The following RAP1A variants were observed in gnomAD, a reference collection of about 807,000 sequenced individuals.
The protein encoded by RAP1A is RAP1A, member of RAS oncogene family, also known as ras-related protein Rap-1A.
Under a neutral mutation model 26.4 loss-of-function variants are expected in RAP1A, and 6 were observed. The ratio of observed to expected loss-of-function variants is 0.23; its 90% CI spans 0.12 to 0.45. RAP1A has a LOEUF of 0.45. RAP1A is among the 20% of genes least tolerant of loss of function. The pLI is 0.99. For synonymous variants in RAP1A, 73 were observed against 79.4 expected, an observed-to-expected ratio of 0.92 and a Z score of 0.43; for missense variants, 121 against 217.2, an observed-to-expected ratio of 0.56 and a Z score of 2.78.
chr1:111,619,835 C>G lies in RAP1A; in HGVS notation c.-127C>G, dbSNP rs1032203004. ...GCCGCCGCCGCTCCCGCTGCTGTCG[C>G]CGCGCAGAGCCGGAGCAGGAGCCAC... On this transcript the variant is annotated 5_prime_UTR_variant, in exon 1 of 8. Coordinates refer to ENST00000369709, the MANE Select transcript of RAP1A (RefSeq NM_002884.4). 1.0e-4 allele frequency: 40 copies of G among 399,146 alleles called. No individual in the cohort carries two copies. The highest frequency in any genetic ancestry group is 8.8e-6 in the Non-Finnish European group (2 of 226,968). The allele number at this position is 399,146 out of a possible 1,614,324, so 24.7% of individuals were successfully genotyped here. A position where few individuals can be genotyped will look rare whatever the true frequency, so the allele number is the denominator to read the frequency against.
In RAP1A at chr1:111,665,931, G is replaced by A. The variant is rs144960574; in HGVS notation, c.-27-25403G>A. 4.1e-4 allele frequency among the ~76,000 whole-genome samples: 62 copies of A among 152,276 alleles called. 1 individual carries two copies. The East Asian group carries it at 0.01, about 25-fold the overall frequency. Reference sequence around the variant, plus strand: ...CTTTAGAGCTTTAAAATGATTTAAAGTAACAATTTTAGTAACCTTTGGGTT... The same window carrying A: ...CTTTAGAGCTTTAAAATGATTTAAAATAACAATTTTAGTAACCTTTGGGTT... On this transcript the variant is annotated intron_variant, in intron 1 of 7. Transcript: ENST00000369709.
chr1:111,660,423 TG>T (rs1223438135), intron 1 of RAP1A, among the ~76,000 whole-genome samples: 11 of 152,172 alleles, frequency 7.2e-5, no homozygotes, highest in Non-Finnish European at 1.6e-4. Flanking sequence ...CTGAACTTCC[TG>T]GGTCTGTGGT....
intron 1 of RAP1A, among the ~76,000 whole-genome samples, chr1:111,686,855 C>G (rs536080723): frequency 1.3e-5 from 2 of 151,676 alleles, no homozygotes; most frequent in African/African-American, 4.8e-5. Context: ...ATTTTTATAT[C>G]TATATATCTT....
At chr1:111,671,842 G>T (rs116380685) in intron 1 of RAP1A, among the ~76,000 whole-genome samples, 217 of 152,256 alleles carry the variant, frequency 1.4e-3, no homozygotes, top group Non-Finnish European at 2.4e-3. Context: ...TTTCCATCTT[G>T]ATTTCTTTCT....
chr1:111,676,453 A>G (rs1259068470), intron 1 of RAP1A, among the ~76,000 whole-genome samples: 2 of 152,116 alleles, frequency 1.3e-5, no homozygotes, highest in African/African-American at 4.8e-5. Context: ...AAATAATTCA[A>G]GGTGAGATTT....
At chr1:111,584,872 T>C (rs772522652) in intron 1 of RAP1A, among the ~76,000 whole-genome samples, 12 of 152,166 alleles carry the variant, frequency 7.9e-5, no homozygotes, top group Non-Finnish European at 1.5e-4. Context: ...CCTAGGAGGA[T>C]GAGCTTCAAC....
intron 1 of RAP1A, among the ~76,000 whole-genome samples, chr1:111,555,819 A>G (rs1427234965): frequency 6.6e-6 from 1 of 152,160 alleles, no homozygotes; most frequent in East Asian, 1.9e-4. Context: ...TTAGAAGAAA[A>G]CATAAGGGGA....
rs150221802 is a variant in RAP1A, at chr1:111,597,802, C to G, written c.-28+55293C>G. ...AGCAACACTCAACAGGGGAGACATTCTAGGTCTCATGCCGCAGACTTGGAG... is the reference window on the plus strand; with the variant it reads ...AGCAACACTCAACAGGGGAGACATTGTAGGTCTCATGCCGCAGACTTGGAG... On this transcript the variant is annotated intron_variant, in intron 1 of 7. Transcript: ENST00000356415. Among the ~76,000 whole-genome samples, 99 of 152,290 alleles carry G rather than the reference C, an allele frequency of 6.5e-4. 1 individual carries two copies. The highest frequency in any genetic ancestry group is 1.1e-3 in the Admixed American group (17 of 15,306).
intron 1 of RAP1A, among the ~76,000 whole-genome samples, chr1:111,609,118 G>A (rs1416091175): frequency 6.6e-6 from 1 of 152,196 alleles, no homozygotes; most frequent in Non-Finnish European, 1.5e-5. Context: ...CTCAGAGGAT[G>A]AACAGAGGGG....
intron 1 of RAP1A, among the ~76,000 whole-genome samples, chr1:111,601,281 G>A (rs1223636236): frequency 6.6e-6 from 1 of 152,052 alleles, no homozygotes; most frequent in Non-Finnish European, 1.5e-5. Flanking sequence ...CACACCGATT[G>A]TCCTGGGTGT....
intron 1 of RAP1A, among the ~76,000 whole-genome samples, chr1:111,557,536 T>A: frequency 6.7e-6 from 1 of 149,272 alleles, no homozygotes; most frequent in South Asian, 2.1e-4. Context: ...GGCAATAGAG[T>A]GAGACTCCAT....
At chr1:111,564,336 G>A (rs1657861780) in intron 1 of RAP1A, among the ~76,000 whole-genome samples, 2 of 152,048 alleles carry the variant, frequency 1.3e-5, no homozygotes, top group Admixed American at 1.3e-4. Context: ...CACCTGTTAG[G>A]TGCCAGAAAC....
rs1293389880 is a variant in RAP1A, at chr1:111,712,992, AT to A, written c.*594del. 6.6e-6 allele frequency: 1 copy of A among 152,480 alleles called. No individual in the cohort carries two copies. Among genetic ancestry groups the A allele is most frequent in the Non-Finnish European group, 1.5e-5 (1 of 67,942 alleles). 9.4% of individuals were successfully genotyped at this position (152,480 alleles called of 1,614,324 possible). A position where few individuals can be genotyped will look rare whatever the true frequency, so the allele number is the denominator to read the frequency against. ...TATAGGAAAAAAACTGGGATAACTG[AT>A]TTCTATGGCTTTCAAAGCTAAAATA... On this transcript the variant is annotated 3_prime_UTR_variant, in exon 8 of 8. Coordinates refer to ENST00000369709, the MANE Select transcript of RAP1A (RefSeq NM_002884.4).
chr1:111,683,895 C>T (rs895119454), intron 1 of RAP1A, among the ~76,000 whole-genome samples: 7 of 152,128 alleles, frequency 4.6e-5, no homozygotes, highest in African/African-American at 1.2e-4. Context: ...TGATGACCAT[C>T]GATGCAAAAA....
chr1:111,703,024 C>T (rs1407526730), intron 4 of RAP1A, among the ~76,000 whole-genome samples: 3 of 152,146 alleles, frequency 2.0e-5, no homozygotes, highest in Non-Finnish European at 4.4e-5. Context: ...ATTGTTAGCA[C>T]TTGGGCAGTA....
intron 1 of RAP1A, among the ~76,000 whole-genome samples, chr1:111,660,805 A>G (rs1660609953): frequency 6.6e-6 from 1 of 152,094 alleles, no homozygotes; most frequent in African/African-American, 2.4e-5. Context: ...TCTCCTAATG[A>G]CTTCCTCATT....
intron 6 of RAP1A, among the ~76,000 whole-genome samples, chr1:111,708,052 G>A (rs1435036930): frequency 6.6e-6 from 1 of 152,064 alleles, no homozygotes; most frequent in Non-Finnish European, 1.5e-5. Context: ...GGTGCACGCT[G>A]TAGCTCCCAG....
upstream of RAP1A, among the ~76,000 whole-genome samples, chr1:111,614,871 G>C (rs1318997533): frequency 6.6e-6 from 1 of 152,140 alleles, no homozygotes; most frequent in Non-Finnish European, 1.5e-5. Context: ...ATAATATTTA[G>C]TAATGAGAAT....
chr1:111,576,153 C>G (rs1658143532), intron 1 of RAP1A, among the ~76,000 whole-genome samples: 1 of 152,146 alleles, frequency 6.6e-6, no homozygotes, highest in African/African-American at 2.4e-5. Flanking sequence ...TGTTAAAATG[C>G]AAATTCTGGT....
Sources: allele counts gnomAD v4.1 joint callset (sites outside exome capture counted in the v4.1 genomes callset), GRCh38; gene constraint gnomAD v4.1.1; transcripts MANE v1.5; gene names NCBI Gene and HGNC (gene_info 2026-07-23, HGNC 2026-07-21).